Variants in TRPC4AP observed in about 807,000 individuals in gnomAD.
TRPC4AP encodes the protein transient receptor potential cation channel subfamily C member 4 associated protein.
In TRPC4AP, 45 loss-of-function variants were observed where a neutral mutation model predicts 99.0. The observed-to-expected ratio is 0.45, with a 90% CI of 0.36 to 0.58. The LOEUF is 0.58. TRPC4AP is among the 20% of genes least tolerant of loss of function. The pLI, the probability that TRPC4AP is intolerant of heterozygous loss-of-function variation, is 0.00. For synonymous variants in TRPC4AP, 408 were observed against 385.8 expected (o/e 1.06, Z -0.67); for missense variants, 879 against 985.3 (o/e 0.89, Z 1.44).
rs1455443039 is a variant in TRPC4AP at position 35,044,815 on chromosome 20, T to C, written c.658-103A>G. 2.8e-6 allele frequency: 3 copies of C among 1,077,304 alleles called. No homozygotes were observed. The East Asian group carries it at 7.4e-5, about 27-fold the overall frequency. The allele number at this position is 1,077,304 out of a possible 1,614,324, so 66.7% of individuals were successfully genotyped here. A position where few individuals can be genotyped will look rare whatever the true frequency, so the allele number is the denominator to read the frequency against. On this transcript the variant is annotated intron_variant, in intron 6 of 18. Coordinates refer to ENST00000252015, the MANE Select transcript of TRPC4AP (RefSeq NM_015638.3). ...TTACATACGGGGCTTAGTGGCTAGATCACTTAGGTTCCTATCCCAGCTCTG... is the reference window on the plus strand; with the variant it reads ...TTACATACGGGGCTTAGTGGCTAGACCACTTAGGTTCCTATCCCAGCTCTG...
chr20:35,052,508 T>C (rs547921873), intron 5 of TRPC4AP, among the ~76,000 whole-genome samples: 18 of 152,246 alleles, frequency 1.2e-4, no homozygotes, highest in Admixed American at 1.1e-3. Context: ...TTTTATCTTT[T>C]ATTTTTTGAG....
intron 3 of TRPC4AP, among the ~76,000 whole-genome samples, chr20:35,059,905 C>CGAAGACGAAGAAGACAAAGACGAA (rs1289259581): frequency 2.2e-5 from 1 of 46,088 alleles, no homozygotes; most frequent in African/African-American, 4.9e-5. Context: ...ATGAAGAAGA[C>CGAAGACGAAGAAGACAAAGACGAA]GAAGACGAAG....
intron 7 of TRPC4AP, 58 bp from the exon 8 acceptor site, chr20:35,035,366 C>A: frequency 1.3e-6 from 2 of 1,537,652 alleles, no homozygotes; most frequent in Admixed American, 3.7e-5. Context: ...AAAACTACCC[C>A]TAAAGCCCTA....
In TRPC4AP at chr20:35,084,569, T is replaced by C. The variant is rs1484750355; in HGVS notation, c.169-6395A>G. On this transcript the variant is annotated intron_variant, in intron 1 of 18. Transcript: ENST00000252015. ...GTATATATGTTTATATGCATATATG[T>C]GTATATGTATATATGTTTATATGCA... Among the ~76,000 whole-genome samples the C allele has an allele frequency of 7.2e-5, 10 of 138,552 alleles. 1 individual carries two copies. The East Asian group carries it at 2.0e-3, about 28-fold the overall frequency. The allele number at this position is 138,552 out of a possible 152,430, so 90.9% of individuals were successfully genotyped here.
At chr20:35,076,196 G>A (rs2084475359) in intron 2 of TRPC4AP, among the ~76,000 whole-genome samples, 1 of 152,060 alleles carries the variant, frequency 6.6e-6, no homozygotes, top group African/African-American at 2.4e-5. Flanking sequence ...CTTTATGATG[G>A]GTTCAAACAT....
rs778122051 is a variant in TRPC4AP at position 35,004,479 on chromosome 20, G to A, written c.2028C>T (p.Ile676=). 1.5e-5 allele frequency: 24 copies of A among 1,613,814 alleles called. No homozygotes were observed. The highest frequency in any genetic ancestry group is 1.9e-5 in the Non-Finnish European group (22 of 1,179,894). The change falls in exon 17 of 19, where the codon ATC becomes ATT. Residue 676 remains isoleucine, a synonymous_variant. Coordinates refer to ENST00000252015, the MANE Select transcript of TRPC4AP (RefSeq NM_015638.3). ...TCACCTGGGTCAGCGTCTGCACGTG[G>A]ATGATGTTGATGAGGCGGAAGAGGA... is the stretch of plus-strand genomic sequence containing the variant. ...MSFLFRLINI[I]HVQTLTQENV...
intron 4 of TRPC4AP, among the ~76,000 whole-genome samples, chr20:35,057,006 C>T (rs891363734): frequency 5.3e-5 from 4 of 75,124 alleles, no homozygotes; most frequent in Non-Finnish European, 1.1e-4. Flanking sequence ...AAATTGAATA[C>T]CTAAAAAGAA....
chr20:35,026,947 A>G (rs1264802031), intron 8 of TRPC4AP, among the ~76,000 whole-genome samples: 1 of 152,114 alleles, frequency 6.6e-6, no homozygotes, highest in Non-Finnish European at 1.5e-5. Flanking sequence ...ACTGGTTTTT[A>G]TAGTAGATTC....
intron 1 of TRPC4AP, among the ~76,000 whole-genome samples, chr20:35,091,509 C>T (rs148378400): frequency 6.6e-6 from 1 of 152,234 alleles, no homozygotes; most frequent in East Asian, 1.9e-4. Flanking sequence ...CCCCCTTTAG[C>T]CCAATTCCCA....
intron 3 of TRPC4AP, among the ~76,000 whole-genome samples, chr20:35,060,463 C>T (rs942186683): frequency 1.3e-5 from 2 of 151,684 alleles, no homozygotes; most frequent in African/African-American, 2.4e-5. Flanking sequence ...TGGTAGCATG[C>T]TCCTGTAGTC....
At position 35,068,571 on chromosome 20, in the gene TRPC4AP, G is replaced by C. The variant is rs539581458; in HGVS notation, c.414+725C>G. Among the ~76,000 whole-genome samples, 8 of 152,246 alleles carry C rather than the reference G, an allele frequency of 5.3e-5. No homozygotes were observed. In the South Asian group the frequency reaches 6.2e-4, roughly 12 times the overall value. Reference sequence around the variant, plus strand: ...TTTTGAGAGCTCATCACCCAGGCTAGAGTGCAGTGGTATGATCTTGGCTCA... The same window carrying C: ...TTTTGAGAGCTCATCACCCAGGCTACAGTGCAGTGGTATGATCTTGGCTCA... On this transcript the variant is annotated intron_variant, in intron 3 of 18. Coordinates refer to ENST00000252015, the MANE Select transcript of TRPC4AP (RefSeq NM_015638.3).
chr20:35,045,593 C>T (rs1226425709), intron 6 of TRPC4AP, among the ~76,000 whole-genome samples: 4 of 151,974 alleles, frequency 2.6e-5, no homozygotes, highest in African/African-American at 9.7e-5. Context: ...GGCTGGAGTG[C>T]AGTGGCGCAA....
intron 9 of TRPC4AP, among the ~76,000 whole-genome samples, chr20:35,018,890 T>C (rs904470412): frequency 6.6e-6 from 1 of 152,206 alleles, no homozygotes; most frequent in South Asian, 2.1e-4. Context: ...AGTCCCTTGA[T>C]AGAAAAGGCG....
intron 8 of TRPC4AP, among the ~76,000 whole-genome samples, chr20:35,031,375 A>G (rs1424924326): frequency 7.2e-6 from 1 of 138,624 alleles, no homozygotes; most frequent in Non-Finnish European, 1.5e-5. Context: ...GGTGTGCACT[A>G]CTACCCCTGG....
chr20:35,024,828 A>C lies in TRPC4AP; in HGVS notation c.1052-3472T>G, dbSNP rs1351796074. 1.4e-3 allele frequency among the ~76,000 whole-genome samples: 94 copies of C among 67,634 alleles called. 20 individuals are homozygous for C. The Admixed American group carries it at 0.015, about 11-fold the overall frequency. The allele number at this position is 67,634 out of a possible 152,430, so 44.4% of individuals were successfully genotyped here. A position where few individuals can be genotyped will look rare whatever the true frequency, so the allele number is the denominator to read the frequency against. On this transcript the variant is annotated intron_variant, in intron 8 of 18. Coordinates refer to ENST00000252015, the MANE Select transcript of TRPC4AP (RefSeq NM_015638.3). The stretch of plus-strand genomic sequence containing the variant: ...AGGTGACAGAGAGAGACCGTCTCAA[A>C]AAAAAAAAAAAAAAAAAAAAAAAAA...
At chr20:35,085,250 T>C (rs2084806823) in intron 1 of TRPC4AP, among the ~76,000 whole-genome samples, 1 of 152,224 alleles carries the variant, frequency 6.6e-6, no homozygotes, top group Admixed American at 6.5e-5. Flanking sequence ...ACAGTCCAAA[T>C]ATTTGACTTC....
intron 3 of TRPC4AP, among the ~76,000 whole-genome samples, chr20:35,059,962 G>A (rs1319609939): frequency 6.6e-6 from 1 of 151,818 alleles, no homozygotes; most frequent in African/African-American, 2.4e-5. Flanking sequence ...CAGAACATCT[G>A]AACAGCCCTA....
At chr20:35,025,414 C>A (rs1366514718) in intron 8 of TRPC4AP, among the ~76,000 whole-genome samples, 1 of 152,118 alleles carries the variant, frequency 6.6e-6, no homozygotes, top group Non-Finnish European at 1.5e-5. Context: ...CTTGAACAAT[C>A]CTCCTGCCTT....
intron 16 of TRPC4AP, among the ~76,000 whole-genome samples, chr20:35,005,438 G>C (rs1288695121): frequency 6.6e-6 from 1 of 152,252 alleles, no homozygotes; most frequent in Non-Finnish European, 1.5e-5. Context: ...CATCGTGCCA[G>C]GCAATACCAG....
Sources: gnomAD v4.1 joint callset for allele counts (sites outside exome capture counted in the v4.1 genomes callset) on GRCh38, gnomAD v4.1.1 for gene constraint, MANE v1.5 for transcripts, NCBI Gene and HGNC (gene_info 2026-07-23, HGNC 2026-07-21) for gene names.